PTPRE: variants seen among roughly 807,000 people sequenced by gnomAD.
The protein encoded by PTPRE is receptor-type tyrosine-protein phosphatase epsilon.
PTPRE carries 51 observed loss-of-function variants against 102.0 expected under a neutral mutation model. The ratio of observed to expected loss-of-function variants is 0.50; its 90% CI spans 0.40 to 0.63. The LOEUF is 0.63. Ranked by LOEUF, PTPRE falls within the 30% of genes least tolerant of loss-of-function variation. PTPRE has a pLI of 0.00. For missense variants in PTPRE, 752 were observed against 915.1 expected (o/e 0.82, Z 2.30); for synonymous variants, 345 against 348.2 (o/e 0.99, Z 0.10).
intron 1 of PTPRE, among the ~76,000 whole-genome samples, chr10:127,916,851 C>T (rs949088988): frequency 3.3e-5 from 5 of 152,108 alleles, no homozygotes; most frequent in African/African-American, 1.2e-4. Context: ...GACTCATTCT[C>T]CAGAAAAACG....
chr10:128,069,553 C>A (rs146561987), intron 12 of PTPRE, 139 bp from the exon 13 acceptor site: 104 of 1,162,438 alleles, frequency 8.9e-5, no homozygotes, highest in Admixed American at 8.1e-4. Context: ...CTGGTGGCTG[C>A]ACTGTAGCTT....
At position 128,028,629 on chromosome 10, in the gene PTPRE, C is replaced by A. The variant is rs1846458331; in HGVS notation, c.-7-12246C>A. Reference sequence around the variant, plus strand: ...GCGGCAGCCCCATCTGTCCCCGAGACCCCACCCCCTCAGGCACAGCTGAGC... The same window carrying A: ...GCGGCAGCCCCATCTGTCCCCGAGAACCCACCCCCTCAGGCACAGCTGAGC... On this transcript the variant is annotated intron_variant, in intron 2 of 20. Coordinates refer to ENST00000254667, the MANE Select transcript of PTPRE (RefSeq NM_006504.6). The surrounding 1 kb of genome is among the most constrained non-coding windows in gnomAD (Gnocchi z 4.5). Among the ~76,000 whole-genome samples the A allele has an allele frequency of 6.6e-6, 1 of 152,154 alleles. No individual in the cohort carries two copies. The highest frequency in any genetic ancestry group is 1.5e-5 in the Non-Finnish European group (1 of 68,028).
At chr10:127,955,959 T>C (rs1434373730) in intron 1 of PTPRE, among the ~76,000 whole-genome samples, 2 of 152,012 alleles carry the variant, frequency 1.3e-5, no homozygotes, top group Non-Finnish European at 2.9e-5. Context: ...AAGGGGGAAA[T>C]CCATCCCATG....
chr10:128,059,496 C>A (rs1257291353), intron 7 of PTPRE, among the ~76,000 whole-genome samples: 1 of 152,208 alleles, frequency 6.6e-6, no homozygotes, highest in Non-Finnish European at 1.5e-5. Flanking sequence ...ACAAACGCCA[C>A]AAACACCACA....
intron 1 of PTPRE, among the ~76,000 whole-genome samples, chr10:127,909,785 C>T (rs12248686): frequency 0.11 from 16,322 of 152,222 alleles, 961 homozygotes; most frequent in Non-Finnish European, 0.14. Context: ...GAGACCTTCC[C>T]GAAGCGCATG....
intron 2 of PTPRE, chr10:127,999,492 C>T: frequency 1.0e-6 from 1 of 980,938 alleles, no homozygotes; most frequent in Non-Finnish European, 1.2e-6. Context: ...GAGCAGGGCG[C>T]TCTCGCCTTC....
chr10:127,928,602 G>A (rs1449287014), intron 1 of PTPRE, among the ~76,000 whole-genome samples: 2 of 152,152 alleles, frequency 1.3e-5, no homozygotes, highest in African/African-American at 4.8e-5. Flanking sequence ...GATTAGCTGT[G>A]CTGGGTTAGA....
chr10:127,941,648 G>GTCTCTGGACAGCCAGT (rs1489997430), intron 1 of PTPRE, among the ~76,000 whole-genome samples: 6 of 152,226 alleles, frequency 3.9e-5, no homozygotes, highest in African/African-American at 1.4e-4. Flanking sequence ...GCCGCACTTG[G>GTCTCTGGACAGCCAGT]TTTCTGGACA....
intron 1 of PTPRE, among the ~76,000 whole-genome samples, chr10:127,926,722 C>T (rs538612276): frequency 1.4e-5 from 2 of 147,496 alleles, no homozygotes; most frequent in East Asian, 2.0e-4. Context: ...AGACAGGGGA[C>T]GAGTTGGGAA....
chr10:128,009,305 A>G (rs1844777892), intron 2 of PTPRE, among the ~76,000 whole-genome samples: 1 of 152,220 alleles, frequency 6.6e-6, no homozygotes, highest in Non-Finnish European at 1.5e-5. Flanking sequence ...AACATATTTT[A>G]AAGTGTTTGT....
chr10:128,058,948 G>C (rs189703222), intron 7 of PTPRE, among the ~76,000 whole-genome samples: 1 of 152,204 alleles, frequency 6.6e-6, no homozygotes, highest in Non-Finnish European at 1.5e-5. Flanking sequence ...TGTCAGGCAG[G>C]CTTGACTTTT....
rs1848186011 is a variant in PTPRE at position 128,047,442 on chromosome 10, G to A, written c.162G>A (p.Pro54=). 6.8e-6 allele frequency: 11 copies of A among 1,613,256 alleles called. No homozygotes were observed. The highest frequency in any genetic ancestry group is 1.7e-4 in the Middle Eastern group (1 of 5,722). ...CGCTGCTGGCCTGGCTGCTACTGCC[G>A]CTGCTGCTCCTCCTCCTCGTGCTCC... The part of the protein sequence containing the change: ...SQPLLAWLLL[P]LLLLLLVLLL... The change falls in exon 4 of 21, where the codon CCG becomes CCA. Residue 54 remains proline (P), a synonymous_variant. Coordinates refer to ENST00000254667, the MANE Select transcript of PTPRE (RefSeq NM_006504.6).
chr10:127,951,278 A>C (rs1315553579), intron 1 of PTPRE, among the ~76,000 whole-genome samples: 1 of 152,146 alleles, frequency 6.6e-6, no homozygotes, highest in Non-Finnish European at 1.5e-5. Context: ...GGTGAAGGAG[A>C]GGCTGGGTTC....
chr10:128,030,898 C>T (rs1224503120), intron 2 of PTPRE, among the ~76,000 whole-genome samples: 1 of 152,202 alleles, frequency 6.6e-6, no homozygotes, highest in African/African-American at 2.4e-5. Context: ...TAGACAGGGG[C>T]AGGCACCCTG....
intron 11 of PTPRE, among the ~76,000 whole-genome samples, chr10:128,067,041 C>T (rs1036152676): frequency 6.6e-6 from 1 of 151,668 alleles, no homozygotes; most frequent in Non-Finnish European, 1.5e-5. Flanking sequence ...TGCACATACT[C>T]CCACACACAT....
chr10:128,069,298 CAG>C (rs1271253970), intron 12 of PTPRE: 1 of 164,772 alleles, frequency 6.1e-6, no homozygotes. Context: ...CCCAGTTTGA[CAG>C]AGAGGGAGGC....
chr10:128,011,999 T>G (rs1564881472), intron 2 of PTPRE, among the ~76,000 whole-genome samples: 1 of 152,188 alleles, frequency 6.6e-6, no homozygotes. Context: ...GGTGACAAGA[T>G]AGACAGCCCA....
intron 2 of PTPRE, 112 bp downstream of exon 2, chr10:127,982,408 A>G (rs1438237789): frequency 8.1e-6 from 6 of 740,212 alleles, no homozygotes; most frequent in Non-Finnish European, 1.1e-5. Flanking sequence ...AGAAAGCCAT[A>G]TGGTCAGTGT....
chr10:127,968,031 T>A (rs1850395337), intron 1 of PTPRE, among the ~76,000 whole-genome samples: 2 of 150,246 alleles, frequency 1.3e-5, no homozygotes, highest in Non-Finnish European at 2.9e-5. Flanking sequence ...TGTGTGTGTG[T>A]GTGTGTGTGT....
Sources: gnomAD v4.1 joint callset for allele counts (sites outside exome capture counted in the v4.1 genomes callset) on GRCh38, gnomAD v4.1.1 for gene constraint, Gnocchi (gnomAD v3.1) non-coding constraint, MANE v1.5 for transcripts, NCBI Gene and HGNC (gene_info 2026-07-23, HGNC 2026-07-21) for gene names.